The following TLN2 variants were observed in gnomAD, a reference collection of about 807,000 sequenced individuals.
TLN2 encodes the protein talin 2, also known as talin-2.
In TLN2, 118 loss-of-function variants were observed where a neutral mutation model predicts 294.7. The observed-to-expected ratio is 0.40, with a 90% CI of 0.34 to 0.47. The LOEUF is 0.47. Ranked by LOEUF, TLN2 falls within the 20% of genes least tolerant of loss-of-function variation. The pLI is 0.84. For synonymous variants in TLN2, 1,431 were observed against 1,304.5 expected, an observed-to-expected ratio of 1.10 and a Z score of -2.09; for missense variants, 3,083 against 3,282.2, an observed-to-expected ratio of 0.94 and a Z score of 1.48.
At chr15:62,806,791 C>T (rs762382765) in intron 51 of TLN2, among the ~76,000 whole-genome samples, 1 of 152,184 alleles carries the variant, frequency 6.6e-6, no homozygotes, top group Non-Finnish European at 1.5e-5. Context: ...AATTGATGAT[C>T]CGCTGCCATG....
intron 3 of TLN2, among the ~76,000 whole-genome samples, chr15:62,646,993 G>C (rs945217849): frequency 6.6e-6 from 1 of 152,232 alleles, no homozygotes; most frequent in Non-Finnish European, 1.5e-5. Flanking sequence ...GGACTACTCA[G>C]AGGGAGGTGT....
At chr15:62,689,310 A>G (rs1209847854) in intron 12 of TLN2, among the ~76,000 whole-genome samples, 1 of 152,130 alleles carries the variant, frequency 6.6e-6, no homozygotes, top group African/African-American at 2.4e-5. Context: ...CTTTTTGAGT[A>G]TAATTATTTA....
At chr15:62,601,863 A>G (rs183975580) in intron 2 of TLN2, among the ~76,000 whole-genome samples, 32 of 152,324 alleles carry the variant, frequency 2.1e-4, no homozygotes, top group African/African-American at 7.2e-4. Flanking sequence ...TTTCAATTTA[A>G]TATACTTATT....
chr15:62,507,239 A>G lies in TLN2; in HGVS notation c.-237-82448A>G, dbSNP rs370882655. On this transcript the variant is annotated intron_variant, in intron 1 of 58. Transcript: ENST00000636159. ...TTAGGTGTTGAAATGTCTGTTTTTA[A>G]TGAGATCGTGCTTCGAGGTTGGTTT... 1.4e-4 allele frequency among the ~76,000 whole-genome samples: 22 copies of G among 152,318 alleles called. No homozygotes were observed. The South Asian group carries it at 2.1e-3, about 14-fold the overall frequency.
rs35955277 is a variant in TLN2, at chr15:62,604,524, T to TAA, written c.-161-13806_-161-13805dup. ...TGGGTGACAAAGTGAGACCTTGTCT[T>TAA]AAAAAAAAAAAAAAAAAAAAAAGAA... On this transcript the variant is annotated intron_variant, in intron 2 of 58. Coordinates refer to ENST00000636159, the MANE Select transcript of TLN2 (RefSeq NM_015059.3). Among the ~76,000 whole-genome samples the TAA allele has an allele frequency of 9.7e-3, 843 of 87,262 alleles. 5 individuals carry two copies. The highest frequency in any genetic ancestry group is 0.014 in the Non-Finnish European group (640 of 46,294). 57.2% of individuals were successfully genotyped at this position (87,262 alleles called of 152,430 possible).
At chr15:62,736,637 CAG>C (rs1020240352) in intron 28 of TLN2, among the ~76,000 whole-genome samples, 4 of 152,164 alleles carry the variant, frequency 2.6e-5, no homozygotes, top group African/African-American at 9.7e-5. Flanking sequence ...CAAGGGAAGT[CAG>C]GGGGAAGAAG....
intron 43 of TLN2, 91 bp from the exon 44 acceptor site, chr15:62,781,049 T>C: frequency 1.1e-6 from 1 of 941,450 alleles, no homozygotes; most frequent in East Asian, 2.5e-5. Flanking sequence ...TGAGGCCCTC[T>C]CTGTTTTTCA....
intron 3 of TLN2, among the ~76,000 whole-genome samples, chr15:62,642,261 C>T (rs1226523907): frequency 7.2e-5 from 11 of 152,172 alleles, no homozygotes; most frequent in Non-Finnish European, 1.5e-5. Flanking sequence ...AGATAGTAGT[C>T]ATTCAAATTC....
chr15:62,623,498 T>C (rs1257963239), intron 3 of TLN2, among the ~76,000 whole-genome samples: 1 of 152,228 alleles, frequency 6.6e-6, no homozygotes, highest in East Asian at 1.9e-4. Flanking sequence ...CTAAGTTCAC[T>C]CTGTGGTTCT....
At chr15:62,665,512 AATTGT>A in intron 9 of TLN2, among the ~76,000 whole-genome samples, 2 of 152,284 alleles carry the variant, frequency 1.3e-5, no homozygotes, top group Middle Eastern at 6.8e-3. Flanking sequence ...TACGTGAAGA[AATTGT>A]CCAAGGGCTG....
In TLN2 at chr15:62,762,360, C is replaced by T. The variant is rs759961268; in HGVS notation, c.4868C>T (p.Ala1623Val). ...CTCATTCGCACTGCACGCTCTCTGG[C>T]CATCAACCCCAAAGACCCACCCACC... The part of the protein sequence containing the change: ...SYLIRTARSL[A>V]INPKDPPTWS... The change falls in exon 39 of 59, where the codon GCC becomes GTC. Residue 1623 changes from alanine (A) to valine (V), a missense_variant. Coordinates refer to ENST00000636159, the MANE Select transcript of TLN2 (RefSeq NM_015059.3). 6.2e-7 allele frequency: 1 copy of T among 1,614,176 alleles called. No individual in the cohort carries two copies. Among genetic ancestry groups the T allele is most frequent in the Admixed American group, 1.7e-5 (1 of 60,026 alleles).
intron 41 of TLN2, 47 bp from the exon 42 acceptor site, chr15:62,770,917 G>C (rs762545988): frequency 1.9e-6 from 3 of 1,572,922 alleles, no homozygotes; most frequent in African/African-American, 1.4e-5. Flanking sequence ...AAGGAGACAC[G>C]TGTATTTACA....
Position 62,697,743 on chromosome 15 carries a change from G to C in TLN2, c.1348G>C (p.Val450Leu). ...NRTGKAEHGS[V>L]ALPAVMRSGS... The stretch of plus-strand genomic sequence containing the variant: ...GACCGGGAAGGCAGAGCACGGCTCA[G>C]TGGCGCTGCCGGCCGTGATGCGCTC... Residue 450 changes from valine (V) to leucine (L), a missense_variant, in exon 15 of 59, where the codon GTG (valine) becomes CTG (leucine). Physicochemically the swap from Val to Leu is conservative, Grantham distance 32 (BLOSUM62 1). Transcript: ENST00000636159. The C allele has an allele frequency of 6.2e-7, 1 of 1,612,010 alleles. No homozygotes were observed. Among genetic ancestry groups the C allele is most frequent in the South Asian group, 1.1e-5 (1 of 91,020 alleles).
At position 62,741,929 on chromosome 15, in the gene TLN2, A is replaced by G. The variant is rs1439089693; in HGVS notation, c.4025+1160A>G. Among the ~76,000 whole-genome samples the G allele has an allele frequency of 2.6e-5, 4 of 151,382 alleles. No individual in the cohort carries two copies. In the South Asian group the frequency reaches 8.4e-4, roughly 32 times the overall value. On this transcript the variant is annotated intron_variant, in intron 32 of 58. Coordinates refer to ENST00000636159, the MANE Select transcript of TLN2 (RefSeq NM_015059.3). The stretch of plus-strand genomic sequence containing the variant: ...CATCTGCAAAGTGGGGGTATGAACT[A>G]CATCATCCTTAAAGCTCTCCTTAGC...
intron 48 of TLN2, among the ~76,000 whole-genome samples, chr15:62,800,146 G>A (rs927392825): frequency 2.0e-5 from 3 of 152,182 alleles, no homozygotes; most frequent in East Asian, 3.8e-4. Flanking sequence ...TGACTTCTCC[G>A]TTCTGGCTCA....
intron 1 of TLN2, among the ~76,000 whole-genome samples, chr15:62,545,197 C>T (rs1212702693): frequency 3.3e-5 from 5 of 152,088 alleles, no homozygotes; most frequent in East Asian, 1.9e-4. Context: ...CTCGGCCTTC[C>T]GGAGTGCTGG....
chr15:62,596,869 TTTCTAC>T (rs1223255590), intron 2 of TLN2, among the ~76,000 whole-genome samples: 1 of 152,230 alleles, frequency 6.6e-6, no homozygotes, highest in Non-Finnish European at 1.5e-5. Context: ...CCTTCACTTA[TTTCTAC>T]TTCTTAGAGC....
intron 1 of TLN2, among the ~76,000 whole-genome samples, chr15:62,465,191 A>G (rs1048276144): frequency 1.4e-5 from 2 of 145,664 alleles, no homozygotes; most frequent in African/African-American, 2.6e-5. Context: ...TGGCAGCAGC[A>G]GTATGTGCTG....
At chr15:62,422,616 C>G (rs933109420) in intron 1 of TLN2, among the ~76,000 whole-genome samples, 1 of 152,116 alleles carries the variant, frequency 6.6e-6, no homozygotes, top group African/African-American at 2.4e-5. Flanking sequence ...GATACCTTCT[C>G]TTAAGAGTGT....
Sources: allele counts gnomAD v4.1 joint callset (sites outside exome capture counted in the v4.1 genomes callset), GRCh38; gene constraint gnomAD v4.1.1; transcripts MANE v1.5; gene names NCBI Gene and HGNC (gene_info 2026-07-23, HGNC 2026-07-21).